Variants in KIAA0232 observed in about 807,000 individuals in gnomAD.
The protein encoded by KIAA0232 is KIAA0232, also known as uncharacterized protein KIAA0232.
A neutral mutation model predicts 122.0 loss-of-function variants in KIAA0232; 27 were observed. The observed-to-expected ratio is 0.22, with a 90% CI of 0.16 to 0.31. KIAA0232 has a LOEUF of 0.31. Ranked by LOEUF, KIAA0232 falls within the 10% of genes least tolerant of loss-of-function variation. The pLI is 1.00. For synonymous variants in KIAA0232, 613 were observed against 587.6 expected, an observed-to-expected ratio of 1.04 and a Z score of -0.63; for missense variants, 1,551 against 1,634.2, an observed-to-expected ratio of 0.95 and a Z score of 0.88.
chr4:6,815,587 T>C (rs1323960051), intron 2 of KIAA0232, among the ~76,000 whole-genome samples: 1 of 152,174 alleles, frequency 6.6e-6, no homozygotes, highest in African/African-American at 2.4e-5. Flanking sequence ...GTGTGGTTGG[T>C]GCTTCTGTCT....
intron 3 of KIAA0232, among the ~76,000 whole-genome samples, chr4:6,831,895 C>T (rs1211389188): frequency 5.3e-5 from 8 of 152,208 alleles, no homozygotes; most frequent in Non-Finnish European, 1.0e-4. Flanking sequence ...CCTCTTGTCC[C>T]GGACCTAGGT....
In KIAA0232 at chr4:6,857,250, G is replaced by C; in HGVS notation, c.436+20G>C. On this transcript the variant is annotated intron_variant, in intron 5 of 9. Coordinates refer to ENST00000307659, the MANE Select transcript of KIAA0232 (RefSeq NM_014743.3). ...AGCAAGGTGAGGTCAAAAGCACTGT[G>C]CGCACACATGCCAGGATTACATCCC... The C allele has an allele frequency of 6.3e-7, 1 of 1,599,716 alleles. No homozygotes were observed. The highest frequency in any genetic ancestry group is 8.5e-7 in the Non-Finnish European group (1 of 1,170,942).
chr4:6,790,719 C>T (rs568129270), intron 1 of KIAA0232, among the ~76,000 whole-genome samples: 18 of 151,800 alleles, frequency 1.2e-4, no homozygotes, highest in Non-Finnish European at 2.2e-4. Context: ...GTATGTTGCT[C>T]CTTGCTAGCA....
At chr4:6,825,572 C>CGA (rs111362007) in intron 3 of KIAA0232, among the ~76,000 whole-genome samples, 6,144 of 147,198 alleles carry the variant, frequency 0.042, 270 homozygotes, top group African/African-American at 0.11. Flanking sequence ...CACGCATACA[C>CGA]GAGAGAGAGA....
At chr4:6,792,577 T>A (rs926672965) in intron 1 of KIAA0232, among the ~76,000 whole-genome samples, 7 of 152,270 alleles carry the variant, frequency 4.6e-5, no homozygotes, top group African/African-American at 1.7e-4. Context: ...ATTAAGCTCA[T>A]AAAGTTTATA....
intron 1 of KIAA0232, among the ~76,000 whole-genome samples, chr4:6,786,498 G>T (rs1016186445): frequency 1.3e-5 from 2 of 151,688 alleles, no homozygotes; most frequent in African/African-American, 4.9e-5. Context: ...TTGTAGAAAC[G>T]GGTCTCCCTG....
chr4:6,797,175 C>T (rs891092779), intron 1 of KIAA0232, among the ~76,000 whole-genome samples: 1 of 152,196 alleles, frequency 6.6e-6, no homozygotes, highest in Admixed American at 6.5e-5. Flanking sequence ...TTTCCAAAGC[C>T]ATGAGATAGA....
chr4:6,829,855 A>G (rs1323827655), intron 3 of KIAA0232, among the ~76,000 whole-genome samples: 2 of 152,232 alleles, frequency 1.3e-5, no homozygotes, highest in Non-Finnish European at 2.9e-5. Context: ...AGGTCTCCCC[A>G]TGATCTGTCA....
chr4:6,783,638 G>C (rs1395463552), intron 1 of KIAA0232, among the ~76,000 whole-genome samples: 1 of 150,836 alleles, frequency 6.6e-6, no homozygotes, highest in Non-Finnish European at 1.5e-5. Context: ...GCAGGCGGGC[G>C]GGGCCGGGAG....
At chr4:6,831,415 G>A (rs138609989) in intron 3 of KIAA0232, among the ~76,000 whole-genome samples, 6 of 152,216 alleles carry the variant, frequency 3.9e-5, no homozygotes, top group South Asian at 2.1e-4. Context: ...GTATCCTTTC[G>A]TGATGGCCCC....
At chr4:6,872,357 G>A (rs1286654949) in intron 8 of KIAA0232, among the ~76,000 whole-genome samples, 1 of 152,222 alleles carries the variant, frequency 6.6e-6, no homozygotes, top group Non-Finnish European at 1.5e-5. Flanking sequence ...GAGAGGTTTT[G>A]TAGAGGAGGA....
intron 1 of KIAA0232, among the ~76,000 whole-genome samples, chr4:6,788,529 T>TA (rs1264850993): frequency 6.6e-6 from 1 of 152,242 alleles, no homozygotes; most frequent in African/African-American, 2.4e-5. Context: ...TACCTCTACT[T>TA]ATCTATTTTT....
Position 6,877,778 on chromosome 4 carries a change from C to G in KIAA0232, c.4008+1021C>G, listed in dbSNP as rs1721833682. On this transcript the variant is annotated intron_variant, in intron 9 of 9. Transcript: ENST00000307659. ...GAAGGGTGGGTCTGCCTTTCCCAGCCCACTGGATCAAATGTTAATCTCCTT... is the reference window on the plus strand; with the variant it reads ...GAAGGGTGGGTCTGCCTTTCCCAGCGCACTGGATCAAATGTTAATCTCCTT... 2.0e-5 allele frequency among the ~76,000 whole-genome samples: 3 copies of G among 152,190 alleles called. No individual in the cohort carries two copies. In the South Asian group the frequency reaches 6.2e-4, roughly 32 times the overall value.
At chr4:6,785,564 A>T (rs1300569910) in intron 1 of KIAA0232, among the ~76,000 whole-genome samples, 2 of 152,230 alleles carry the variant, frequency 1.3e-5, no homozygotes, top group Admixed American at 6.5e-5. Flanking sequence ...CGCCTAGTGT[A>T]AGTGTTAAAA....
chr4:6,851,013 C>G (rs551624888), intron 4 of KIAA0232, among the ~76,000 whole-genome samples: 2 of 152,320 alleles, frequency 1.3e-5, no homozygotes, highest in East Asian at 1.9e-4. Flanking sequence ...ATGTACAGTA[C>G]TTTTTCTTGC....
At chr4:6,794,652 C>T (rs1251681730) in intron 1 of KIAA0232, among the ~76,000 whole-genome samples, 1 of 152,064 alleles carries the variant, frequency 6.6e-6, no homozygotes, top group African/African-American at 2.4e-5. Flanking sequence ...GTGGAGATAC[C>T]TGAGGAGCAG....
Position 6,821,098 on chromosome 4 carries a change from A to G in KIAA0232, c.-269-3087A>G, listed in dbSNP as rs1003766345. ...ATCACAATGGCAGTTAAATTTCAAC[A>G]TGAGGCTTGGAGGTGATATTTAAAT... is the stretch of plus-strand genomic sequence containing the variant. On this transcript the variant is annotated intron_variant, in intron 2 of 9. Coordinates refer to ENST00000307659, the MANE Select transcript of KIAA0232 (RefSeq NM_014743.3). 3.9e-5 allele frequency among the ~76,000 whole-genome samples: 6 copies of G among 152,350 alleles called. No individual in the cohort carries two copies. In the East Asian group the frequency reaches 9.6e-4, roughly 24 times the overall value.
intron 4 of KIAA0232, among the ~76,000 whole-genome samples, chr4:6,849,605 G>T (rs1720164191): frequency 6.6e-6 from 1 of 152,090 alleles, no homozygotes; most frequent in African/African-American, 2.4e-5. Flanking sequence ...AACAGAGCAA[G>T]ACTCCATCTC....
At chr4:6,820,350 G>C (rs1264072662) in intron 2 of KIAA0232, among the ~76,000 whole-genome samples, 2 of 152,192 alleles carry the variant, frequency 1.3e-5, no homozygotes. Flanking sequence ...ACATCTACCA[G>C]ATTGACATTT....
Sources: gnomAD v4.1 joint callset for allele counts (sites outside exome capture counted in the v4.1 genomes callset) on GRCh38, gnomAD v4.1.1 for gene constraint, MANE v1.5 for transcripts, NCBI Gene and HGNC (gene_info 2026-07-23, HGNC 2026-07-21) for gene names.